SCAPER: variants seen among roughly 807,000 people sequenced by gnomAD.
The protein encoded by SCAPER is S-phase cyclin A associated protein in the ER.
SCAPER carries 98 observed loss-of-function variants against 182.2 expected under a neutral mutation model. The ratio of observed to expected loss-of-function variants is 0.54; its 90% CI spans 0.46 to 0.64. The LOEUF (loss-of-function observed/expected upper bound fraction) is 0.64. Among genes scored for constraint, SCAPER ranks in the 30% least tolerant of loss-of-function variants. The probability of loss-of-function intolerance (pLI) is 0.00; values close to 1 mark genes in which losing one functional copy is unlikely to be tolerated. For synonymous variants in SCAPER, 605 were observed against 564.6 expected, an observed-to-expected ratio of 1.07 and a Z score of -1.01; for missense variants, 1,432 against 1,690.0, an observed-to-expected ratio of 0.85 and a Z score of 2.68.
intron 5 of SCAPER, among the ~76,000 whole-genome samples, chr15:76,835,997 T>C (rs1477438463): frequency 2.1e-5 from 3 of 140,214 alleles, no homozygotes; most frequent in South Asian, 2.2e-4. Flanking sequence ...ACCCCTACAA[T>C]GAGAATTACA....
chr15:76,794,433 T>C (rs1245978168), intron 8 of SCAPER, among the ~76,000 whole-genome samples: 1 of 152,208 alleles, frequency 6.6e-6, no homozygotes, highest in Non-Finnish European at 1.5e-5. Flanking sequence ...CTACAGTCAA[T>C]TGTCTACTAC....
At chr15:76,831,628 G>A (rs1233072146) in intron 5 of SCAPER, among the ~76,000 whole-genome samples, 3 of 148,838 alleles carry the variant, frequency 2.0e-5, no homozygotes, top group East Asian at 2.0e-4. Flanking sequence ...TTGCCCCACC[G>A]CCGCACTGGT....
chr15:76,417,950 G>A (rs1305142538), intron 26 of SCAPER, among the ~76,000 whole-genome samples: 4 of 152,160 alleles, frequency 2.6e-5, no homozygotes, highest in Non-Finnish European at 5.9e-5. Flanking sequence ...CCCGGGAGGC[G>A]GAGGGTTCAG....
chr15:76,349,236 CTAAAA>C (rs1319936098), intron 31 of SCAPER: 1 of 152,126 alleles, frequency 6.6e-6, no homozygotes, highest in Non-Finnish European at 1.5e-5. Flanking sequence ...AAAGAACAAA[CTAAAA>C]TGACAGTCCT....
At chr15:76,713,850 T>A (rs552912887) in intron 17 of SCAPER, among the ~76,000 whole-genome samples, 2 of 152,166 alleles carry the variant, frequency 1.3e-5, no homozygotes, top group African/African-American at 4.8e-5. Context: ...TTGATATACA[T>A]CTACTCTACA....
chr15:76,903,982 A>G (rs2074935416), intron 1 of SCAPER, among the ~76,000 whole-genome samples: 1 of 152,244 alleles, frequency 6.6e-6, no homozygotes, highest in South Asian at 2.1e-4. Flanking sequence ...TCCCACAGAC[A>G]ACCTTCCAAA....
At chr15:76,516,562 GCATAGTATTC>G (rs1445498815) in intron 23 of SCAPER, among the ~76,000 whole-genome samples, 3 of 152,070 alleles carry the variant, frequency 2.0e-5, no homozygotes, top group Non-Finnish European at 4.4e-5. Flanking sequence ...TTTTATGGCT[GCATAGTATTC>G]CATGGTATGT....
chr15:76,698,212 G>C (rs1245416071), intron 20 of SCAPER, among the ~76,000 whole-genome samples: 2 of 151,354 alleles, frequency 1.3e-5, no homozygotes, highest in Non-Finnish European at 1.5e-5. Context: ...CATTTCATTT[G>C]TATTAAAAGC....
At chr15:76,788,940 TACAGAACTAC>T (rs1436278164) in intron 8 of SCAPER, among the ~76,000 whole-genome samples, 1 of 152,208 alleles carries the variant, frequency 6.6e-6, no homozygotes, top group African/African-American at 2.4e-5. Flanking sequence ...TAGCTGGGAC[TACAGAACTAC>T]AGCTACCCGG....
At chr15:76,484,502 A>C (rs2051424411) in intron 24 of SCAPER, among the ~76,000 whole-genome samples, 3 of 152,184 alleles carry the variant, frequency 2.0e-5, no homozygotes, top group African/African-American at 7.2e-5. Flanking sequence ...AGTAATAAAT[A>C]GCCTACCAAC....
At chr15:76,612,304 T>G (rs960503145) in intron 22 of SCAPER, among the ~76,000 whole-genome samples, 6 of 152,108 alleles carry the variant, frequency 3.9e-5, no homozygotes. Context: ...GTAGTGCAAT[T>G]TCGGCTCACT....
rs1450272227 is a variant in SCAPER at position 76,666,714 on chromosome 15, A to C, written c.2509-925T>G. ...TTTTAGACTCTCTCCTTAAATCTCC[A>C]ATATCCGTCATCTCCTAACCCCATC... On this transcript the variant is annotated intron_variant, in intron 20 of 31. Transcript: ENST00000563290. 2.6e-5 allele frequency among the ~76,000 whole-genome samples: 4 copies of C among 152,300 alleles called. No individual in the cohort carries two copies. In the East Asian group the frequency reaches 7.7e-4, roughly 29 times the overall value.
At chr15:76,620,412 C>T (rs1359149724) in intron 22 of SCAPER, among the ~76,000 whole-genome samples, 1 of 152,192 alleles carries the variant, frequency 6.6e-6, no homozygotes, top group South Asian at 2.1e-4. Flanking sequence ...TAGTTCTGCA[C>T]TCCATTCTCC....
At chr15:76,400,982 T>C (rs2044415763) in intron 27 of SCAPER, among the ~76,000 whole-genome samples, 1 of 151,582 alleles carries the variant, frequency 6.6e-6, no homozygotes, top group African/African-American at 2.4e-5. Context: ...TATAAATATA[T>C]AATAAATATA....
chr15:76,811,519 G>A (rs761343473), intron 5 of SCAPER, among the ~76,000 whole-genome samples: 5 of 152,212 alleles, frequency 3.3e-5, no homozygotes, highest in African/African-American at 7.2e-5. Context: ...GGCCAGGCGC[G>A]GTGGCTCATG....
intron 21 of SCAPER, among the ~76,000 whole-genome samples, chr15:76,623,094 C>T (rs377243366): frequency 3.1e-4 from 47 of 152,166 alleles, no homozygotes; most frequent in African/African-American, 1.1e-3. Flanking sequence ...CTTTTAATGG[C>T]TTTATTTGGT....
intron 14 of SCAPER, among the ~76,000 whole-genome samples, chr15:76,763,131 T>A (rs1358129815): frequency 6.6e-6 from 1 of 152,244 alleles, no homozygotes; most frequent in Non-Finnish European, 1.5e-5. Context: ...CATTAGCATT[T>A]CTTCTCAGGC....
intron 17 of SCAPER, among the ~76,000 whole-genome samples, chr15:76,717,239 A>G (rs2059937147): frequency 6.6e-6 from 1 of 152,092 alleles, no homozygotes; most frequent in Non-Finnish European, 1.5e-5. Flanking sequence ...CCAGACAAAT[A>G]AAAGTTGAAG....
chr15:76,778,424 A>C (rs2063875549), intron 8 of SCAPER, among the ~76,000 whole-genome samples: 3 of 152,156 alleles, frequency 2.0e-5, no homozygotes, highest in African/African-American at 4.8e-5. Flanking sequence ...TATTGTTTAA[A>C]ATACTATGAG....
Sources: gnomAD v4.1 joint callset for allele counts (sites outside exome capture counted in the v4.1 genomes callset) on GRCh38, gnomAD v4.1.1 for gene constraint, MANE v1.5 for transcripts, NCBI Gene and HGNC (gene_info 2026-07-23, HGNC 2026-07-21) for gene names.